SUGP2: variants seen among roughly 807,000 people sequenced by gnomAD.
SUGP2 encodes the protein SURP and G-patch domain containing 2.
A neutral mutation model predicts 90.5 loss-of-function variants in SUGP2; 24 were observed. The observed-to-expected ratio is 0.27, with a 90% CI of 0.19 to 0.37. The LOEUF (loss-of-function observed/expected upper bound fraction) is 0.37. SUGP2 is among the 10% of genes least tolerant of loss of function. The pLI, the probability that SUGP2 is intolerant of heterozygous loss-of-function variation, is 1.00. For missense variants in SUGP2, 1,233 were observed against 1,363.3 expected (o/e 0.90, Z 1.51); for synonymous variants, 473 against 513.4 (o/e 0.92, Z 1.06).
intron 7 of SUGP2, 117 bp downstream of exon 7, chr19:19,004,051 G>T: frequency 2.6e-6 from 2 of 765,092 alleles, no homozygotes; most frequent in Non-Finnish European, 4.3e-6. Flanking sequence ...CTCACATTTT[G>T]GAGTGGTGCA....
At position 19,004,415 on chromosome 19, in the gene SUGP2, C is replaced by T. The variant is rs755716086; in HGVS notation, c.2682G>A (p.Glu894=). 13 of 1,614,218 alleles carry T rather than the reference C, an allele frequency of 8.1e-6. No individual in the cohort carries two copies. The South Asian group carries it at 1.4e-4, about 18-fold the overall frequency. The change falls in exon 7 of 11, where the codon GAG becomes GAA. Residue 894 remains glutamate, a synonymous_variant. Coordinates refer to ENST00000452918, the MANE Select transcript of SUGP2 (RefSeq NM_001017392.5). ...ELESPEVMPE[E]EDEDDEDGGE... ...CCCCATCCTCATCGTCCTCGTCCTC[C>T]TCCTCAGGCATCACCTCTGGGCTCT...
At position 18,994,414 on chromosome 19, in the gene SUGP2, GA is replaced by G; in HGVS notation, c.3200del (p.Phe1067SerfsTer5). The G allele has an allele frequency of 1.2e-6, 2 of 1,614,198 alleles. No homozygotes were observed. Among genetic ancestry groups the G allele is most frequent in the Non-Finnish European group, 1.7e-6 (2 of 1,180,028 alleles). ...QEHKEDTFDV[F>X]RQRMMQMYRH... ...TGTACATCTGCATCATCCTCTGTCG[GA>G]ACACATCGAATGTGTCTTCTTTGTG... On this transcript the variant is annotated frameshift_variant, in exon 10 of 11. Transcript: ENST00000452918. LOFTEE classifies it high-confidence loss of function.
chr19:19,018,618 C>T (rs931445668), intron 4 of SUGP2, among the ~76,000 whole-genome samples: 1 of 126,190 alleles, frequency 7.9e-6, no homozygotes, highest in African/African-American at 3.1e-5. Flanking sequence ...ACCCGGGAGG[C>T]GGAGGTTGCG....
intron 4 of SUGP2, among the ~76,000 whole-genome samples, chr19:19,016,263 T>A (rs2058497457): frequency 6.6e-6 from 1 of 152,146 alleles, no homozygotes; most frequent in East Asian, 1.9e-4. Flanking sequence ...GATCTCCTGA[T>A]CTCGTGATCC....
Position 19,026,183 on chromosome 19 carries a change from A to G in SUGP2, c.165T>C (p.Asp55=). 1 of 1,612,070 alleles carries G rather than the reference A, an allele frequency of 6.2e-7. No individual in the cohort carries two copies. Among genetic ancestry groups the G allele is most frequent in the Non-Finnish European group, 8.5e-7 (1 of 1,179,388 alleles). The part of the protein sequence containing the change: ...AVPRSRAEMY[D]DVHSDGRYSL... The stretch of plus-strand genomic sequence containing the variant: ...AGTATCTGCCATCGCTGTGGACGTC[A>G]TCATACATCTCTGCTCTGGATCTTG... Residue 55 remains aspartate (D), a synonymous_variant, in exon 3 of 11, where the codon GAT becomes GAC. Transcript: ENST00000452918.
rs2058897392 is a variant in SUGP2, at chr19:19,025,719, T to C, written c.629A>G (p.Gln210Arg). Residue 210 changes from glutamine (Q) to arginine (R), a missense_variant, in exon 3 of 11, where the codon CAG (glutamine) becomes CGG (arginine). This residue lies in a region of SUGP2 where 418 missense variants were observed against 399.9 expected (regional missense o/e 1.05). Transcript: ENST00000452918. ...GATGTTTAGAGCTCGACCTCTGGCC[T>C]GGACTTGACTGCCGCCCCTAAGCAC... is the stretch of plus-strand genomic sequence containing the variant. The part of the protein sequence containing the change: ...DSVLRGGSQV[Q>R]ARGRALNIVD... 3.1e-6 allele frequency: 5 copies of C among 1,614,038 alleles called. No homozygotes were observed. Among genetic ancestry groups the C allele is most frequent in the African/African-American group, 1.3e-5 (1 of 75,002 alleles).
Position 19,025,937 on chromosome 19 carries a change from T to C in SUGP2, c.411A>G (p.Lys137=), listed in dbSNP as rs2058910357. ...KLGHFRSQDW[K]FALRGSWEQD... is the part of the protein sequence containing the mutation. ...GTTCCCAAGAACCACGGAGCGCAAA[T>C]TTCCAGTCCTGAGAACGGAAATGCC... The change falls in exon 3 of 11, where the codon AAA becomes AAG. Residue 137 remains lysine (K), a synonymous_variant. Transcript: ENST00000452918. The C allele has an allele frequency of 1.9e-6, 3 of 1,613,962 alleles. No individual in the cohort carries two copies. Among genetic ancestry groups the C allele is most frequent in the Admixed American group, 3.3e-5 (2 of 59,976 alleles).
In SUGP2 at chr19:19,004,439, C is replaced by G. The variant is rs748641358; in HGVS notation, c.2658G>C (p.Glu886Asp). ...CCTCCTCAGGCATCACCTCTGGGCT[C>G]TCCAGCTCAGCCTCCCGCGGAGGGG... ...DEPPPREAELESPEVMPEEED... is the reference protein window; with the variant it reads ...DEPPPREAELDSPEVMPEEED... Residue 886 changes from glutamate (E) to aspartate (D), a missense_variant, in exon 7 of 11, where the codon GAG becomes GAC. Around this residue, in one of 8 missense-constraint regions of SUGP2, gnomAD observed 540 missense variants for 542.6 expected, o/e 1.00. Transcript: ENST00000452918. 1 of 1,614,212 alleles carries G rather than the reference C, an allele frequency of 6.2e-7. No homozygotes were observed. Among genetic ancestry groups the G allele is most frequent in the Non-Finnish European group, 8.5e-7 (1 of 1,180,034 alleles).
chr19:18,996,965 T>C (rs2057620296), intron 8 of SUGP2, among the ~76,000 whole-genome samples: 1 of 150,720 alleles, frequency 6.6e-6, no homozygotes, highest in Admixed American at 6.6e-5. Context: ...GGGCTGGTGC[T>C]GGGGGTCTGA....
At chr19:18,995,919 T>C (rs1054084019) in intron 8 of SUGP2, among the ~76,000 whole-genome samples, 8 of 152,034 alleles carry the variant, frequency 5.3e-5, no homozygotes, top group Admixed American at 5.2e-4. Flanking sequence ...CAGCAATCTC[T>C]GGGCCACTAG....
At chr19:19,030,045 T>C (rs1051020886) in intron 2 of SUGP2, among the ~76,000 whole-genome samples, 4 of 151,768 alleles carry the variant, frequency 2.6e-5, no homozygotes, top group African/African-American at 9.7e-5. Flanking sequence ...CTGGGAGCAG[T>C]GGCTCACGCC....
chr19:19,015,383 T>A (rs896504344), intron 4 of SUGP2, among the ~76,000 whole-genome samples: 1 of 152,184 alleles, frequency 6.6e-6, no homozygotes, highest in Non-Finnish European at 1.5e-5. Context: ...AAATACAACA[T>A]ACAAGGAGCA....
rs2058240727 is a variant in SUGP2, at chr19:19,009,944, C to A, written c.2249G>T (p.Ser750Ile). 6.2e-7 allele frequency: 1 copy of A among 1,614,198 alleles called. No individual in the cohort carries two copies. Among genetic ancestry groups the A allele is most frequent in the Non-Finnish European group, 8.5e-7 (1 of 1,180,030 alleles). Residue 750 changes from serine (S) to isoleucine (I), a missense_variant, in exon 5 of 11, where the codon AGC becomes ATC. Transcript: ENST00000452918. ...GGGGGATGGGCCTGAGGCTTCTAAG[C>A]TGGGGTCCTGAGGAGAAGGTCCAAC... ...DPVGPSPQDPSLEASGPSPKP... is the reference protein window; with the variant it reads ...DPVGPSPQDPILEASGPSPKP...
In SUGP2 at chr19:19,008,289, G is replaced by A. The variant is rs868353462; in HGVS notation, c.2450+28C>T. On this transcript the variant is annotated intron_variant, in intron 6 of 10. Coordinates refer to ENST00000452918, the MANE Select transcript of SUGP2 (RefSeq NM_001017392.5). ...CTTTGTCTCTCTGAGAAAGAAAAAG[G>A]TGTGATGAGACCCGGGGGGGTACGT... The A allele has an allele frequency of 1.7e-5, 26 of 1,537,154 alleles. 1 individual carries two copies. In the African/African-American group the frequency reaches 2.2e-4, roughly 13 times the overall value.
At chr19:19,020,140 C>G (rs1333739277) in intron 3 of SUGP2, among the ~76,000 whole-genome samples, 1 of 149,494 alleles carries the variant, frequency 6.7e-6, no homozygotes, top group African/African-American at 2.5e-5. Context: ...GTATAAGAAA[C>G]AAATTTTGGC....
At chr19:19,003,193 G>A (rs2057916431) in intron 7 of SUGP2, among the ~76,000 whole-genome samples, 1 of 152,214 alleles carries the variant, frequency 6.6e-6, no homozygotes, top group African/African-American at 2.4e-5. Flanking sequence ...CACAAAACAT[G>A]AGGACTATTC....
At chr19:18,998,293 CTT>C (rs1195399116) in intron 8 of SUGP2, among the ~76,000 whole-genome samples, 5 of 152,144 alleles carry the variant, frequency 3.3e-5, no homozygotes, top group Admixed American at 6.6e-5. Context: ...ATATGTATAA[CTT>C]TTTTGTTTCA....
In SUGP2 at chr19:19,030,947, T is replaced by G. The variant is rs199541003; in HGVS notation, c.121+4A>C. 6.2e-7 allele frequency: 1 copy of G among 1,608,244 alleles called. No homozygotes were observed. The highest frequency in any genetic ancestry group is 1.1e-5 in the South Asian group (1 of 90,072). ...ACAACTACAACAACAACACTTTATT[T>G]TACCTTGAGCTTTAAACTGAAGAGT... On this transcript the variant is annotated splice_donor_region_variant and intron_variant, in intron 2 of 10. Coordinates refer to ENST00000452918, the MANE Select transcript of SUGP2 (RefSeq NM_001017392.5).
At position 19,004,418 on chromosome 19, in the gene SUGP2, C is replaced by T; in HGVS notation, c.2679G>A (p.Glu893=). The change falls in exon 7 of 11, where the codon GAG becomes GAA. Residue 893 remains glutamate (E), a synonymous_variant. Coordinates refer to ENST00000452918, the MANE Select transcript of SUGP2 (RefSeq NM_001017392.5). ...AELESPEVMP[E]EEDEDDEDGG... The stretch of plus-strand genomic sequence containing the variant: ...CATCCTCATCGTCCTCGTCCTCCTC[C>T]TCAGGCATCACCTCTGGGCTCTCCA... 1.2e-6 allele frequency: 2 copies of T among 1,614,204 alleles called. No individual in the cohort carries two copies. The highest frequency in any genetic ancestry group is 1.7e-6 in the Non-Finnish European group (2 of 1,180,032).
Sources: allele counts gnomAD v4.1 joint callset (sites outside exome capture counted in the v4.1 genomes callset), GRCh38; gene constraint gnomAD v4.1.1; regional missense constraint gnomAD v4.1.1; transcripts MANE v1.5; gene names NCBI Gene and HGNC (gene_info 2026-07-23, HGNC 2026-07-21).